PPP3CC: variants seen among roughly 807,000 people sequenced by gnomAD.
PPP3CC encodes the protein protein phosphatase 3 catalytic subunit gamma.
In PPP3CC, 35 loss-of-function variants were observed where a neutral mutation model predicts 60.3. That is an observed-to-expected ratio of 0.58 (90% confidence interval 0.44 to 0.77). The LOEUF is 0.77. PPP3CC is among the 30% of genes least tolerant of loss of function. The pLI is 0.00. For missense variants in PPP3CC, 570 were observed against 628.9 expected (o/e 0.91, Z 1.00); for synonymous variants, 206 against 224.3 (o/e 0.92, Z 0.73).
chr8:22,537,050 A>T (rs1839859734), intron 12 of PPP3CC, among the ~76,000 whole-genome samples: 1 of 152,254 alleles, frequency 6.6e-6, no homozygotes. Context: ...CACAAAGACC[A>T]TCAGATTAAA....
At chr8:22,485,945 A>G (rs930535679) in intron 3 of PPP3CC, among the ~76,000 whole-genome samples, 12 of 152,190 alleles carry the variant, frequency 7.9e-5, no homozygotes, top group African/African-American at 2.9e-4. Context: ...AGATCATTTC[A>G]GTAGCCATTA....
At chr8:22,483,273 T>C (rs1838123095) in intron 3 of PPP3CC, among the ~76,000 whole-genome samples, 1 of 152,212 alleles carries the variant, frequency 6.6e-6, no homozygotes, top group South Asian at 2.1e-4. Context: ...TTTATTTTTT[T>C]ATTTTTCAAT....
intron 3 of PPP3CC, among the ~76,000 whole-genome samples, chr8:22,480,089 TG>T (rs1414574605): frequency 1.3e-3 from 195 of 152,344 alleles, no homozygotes; most frequent in African/African-American, 4.4e-3. Flanking sequence ...GTCTTTTCCA[TG>T]AATCTGATTG....
At chr8:22,524,590 G>T (rs540619118) in intron 8 of PPP3CC, among the ~76,000 whole-genome samples, 1 of 152,062 alleles carries the variant, frequency 6.6e-6, no homozygotes. Flanking sequence ...CTTATCAATG[G>T]TGTGGACTGT....
chr8:22,497,878 C>T (rs1259188681), intron 3 of PPP3CC, 123 bp from the exon 4 acceptor site: 7 of 627,262 alleles, frequency 1.1e-5, no homozygotes, highest in Non-Finnish European at 1.6e-5. Flanking sequence ...CAAAAGGTTT[C>T]ATTTTTCAAT....
At chr8:22,531,882 G>A (rs28410449) in intron 10 of PPP3CC, among the ~76,000 whole-genome samples, 1 of 152,218 alleles carries the variant, frequency 6.6e-6, no homozygotes, top group Non-Finnish European at 1.5e-5. Flanking sequence ...CATCTTTGCT[G>A]TAGCAGCTTT....
At chr8:22,472,088 C>T (rs1053669636) in intron 1 of PPP3CC, among the ~76,000 whole-genome samples, 2 of 152,000 alleles carry the variant, frequency 1.3e-5, no homozygotes, top group Non-Finnish European at 1.5e-5. Context: ...ATGGTAGTGC[C>T]ATTGCACTCC....
Position 22,468,792 on chromosome 8 carries a change from A to AT in PPP3CC, c.50-6158dup, listed in dbSNP as rs1416378891. ...TTAAATAGAGAAAGTATGACAATCT[A>AT]TTTTCAAGAAACTGCCATAGCAATA... On this transcript the variant is annotated intron_variant, in intron 1 of 13. Transcript: ENST00000240139. 2.0e-5 allele frequency among the ~76,000 whole-genome samples: 3 copies of AT among 152,150 alleles called. No individual in the cohort carries two copies. In the East Asian group the frequency reaches 5.8e-4, roughly 29 times the overall value.
At chr8:22,499,860 T>C (rs1696966833) in intron 4 of PPP3CC, among the ~76,000 whole-genome samples, 1 of 152,240 alleles carries the variant, frequency 6.6e-6, no homozygotes, top group Non-Finnish European at 1.5e-5. Flanking sequence ...CTGTTTCTTT[T>C]CATAGTGTTT....
chr8:22,446,381 A>C (rs1412724620), intron 1 of PPP3CC, among the ~76,000 whole-genome samples: 1 of 152,208 alleles, frequency 6.6e-6, no homozygotes, highest in Non-Finnish European at 1.5e-5. Context: ...ATCACATCTT[A>C]CTGTAAAGTG....
At chr8:22,492,989 T>A in intron 3 of PPP3CC, 1 of 1,276,916 alleles carries the variant, frequency 7.8e-7, no homozygotes, top group Non-Finnish European at 1.1e-6. Context: ...CCAAACAGTC[T>A]GTGAATGGAA....
At chr8:22,510,850 T>C in intron 4 of PPP3CC, 1 of 460,236 alleles carries the variant, frequency 2.2e-6, no homozygotes, top group East Asian at 3.6e-5. Flanking sequence ...CCTTATCACA[T>C]TTCCAAGCAA....
chr8:22,510,045 G>A (rs929688270), intron 4 of PPP3CC, among the ~76,000 whole-genome samples: 23 of 152,140 alleles, frequency 1.5e-4, no homozygotes, highest in African/African-American at 4.3e-4. Flanking sequence ...TTAGCCGGGC[G>A]TGGTGGCGTG....
rs1220305880 is a variant in PPP3CC at position 22,498,011 on chromosome 8, A to G, written c.383A>G (p.Tyr128Cys). Residue 128 changes from tyrosine (Y) to cysteine (C), a missense_variant, in exon 4 of 14, where the codon TAT becomes TGT. Coordinates refer to ENST00000240139, the MANE Select transcript of PPP3CC (RefSeq NM_005605.5). ...GAATTTGTCTTGTAGTGTGTGCTGTATTTATGGAGTTTAAAGATTAATCAT... is the reference window on the plus strand; with the variant it reads ...GAATTTGTCTTGTAGTGTGTGCTGTGTTTATGGAGTTTAAAGATTAATCAT... ...RGYFSIECVL[Y>C]LWSLKINHPK... 6.2e-7 allele frequency: 1 copy of G among 1,610,608 alleles called. No homozygotes were observed. Among genetic ancestry groups the G allele is most frequent in the Admixed American group, 1.7e-5 (1 of 59,646 alleles).
intron 6 of PPP3CC, among the ~76,000 whole-genome samples, chr8:22,517,208 G>C (rs1303912189): frequency 6.6e-6 from 1 of 152,190 alleles, no homozygotes; most frequent in Non-Finnish European, 1.5e-5. Context: ...TTTTATCCCA[G>C]GGATAAATCC....
intron 1 of PPP3CC, among the ~76,000 whole-genome samples, chr8:22,456,139 G>T (rs1837188675): frequency 6.6e-6 from 1 of 152,186 alleles, no homozygotes; most frequent in Non-Finnish European, 1.5e-5. Context: ...GCAAATCCTA[G>T]TGTCCCATGA....
chr8:22,534,572 CCAG>C (rs1839803413), intron 12 of PPP3CC, among the ~76,000 whole-genome samples: 1 of 152,126 alleles, frequency 6.6e-6, no homozygotes, highest in Middle Eastern at 3.2e-3. Flanking sequence ...ACCCTGTAAC[CCAG>C]CAGTTCCACA....
rs1038843267 is a variant in PPP3CC, at chr8:22,508,500, T to G, written c.485-2586T>G. Among the ~76,000 whole-genome samples, 7 of 152,242 alleles carry G rather than the reference T, an allele frequency of 4.6e-5. No homozygotes were observed. In the South Asian group the frequency reaches 8.3e-4, roughly 18 times the overall value. The stretch of plus-strand genomic sequence containing the variant: ...ATAACATGAACTTCTTTTTGCTTAA[T>G]TTTTGACCTCCTGTTTTAATTTACA... On this transcript the variant is annotated intron_variant, in intron 4 of 13. Transcript: ENST00000240139.
intron 3 of PPP3CC, among the ~76,000 whole-genome samples, chr8:22,492,106 A>G (rs1838422168): frequency 6.6e-6 from 1 of 152,164 alleles, no homozygotes; most frequent in Admixed American, 6.5e-5. Context: ...CTACACACCT[A>G]GGCTATATGG....
Sources: gnomAD v4.1 joint callset for allele counts (sites outside exome capture counted in the v4.1 genomes callset) on GRCh38, gnomAD v4.1.1 for gene constraint, MANE v1.5 for transcripts, NCBI Gene and HGNC (gene_info 2026-07-23, HGNC 2026-07-21) for gene names.